Variants in NAALADL2 observed in about 807,000 individuals in gnomAD.
The protein encoded by NAALADL2 is N-acetylated alpha-linked acidic dipeptidase like 2.
NAALADL2 carries 76 observed loss-of-function variants against 87.2 expected under a neutral mutation model. The ratio of observed to expected loss-of-function variants is 0.87; its 90% confidence interval spans 0.72 to 1.05. The LOEUF is 1.05. Ranked by LOEUF, NAALADL2 falls within the 50% of genes least tolerant of loss-of-function variation. NAALADL2 has a pLI of 0.00. For synonymous variants in NAALADL2, 354 were observed against 331.0 expected (o/e 1.07, Z -0.75); for missense variants, 1,089 against 945.8 (o/e 1.15, Z -1.99).
At chr3:174,963,866 G>A (rs112330297) in intron 1 of NAALADL2, among the ~76,000 whole-genome samples, 4 of 151,998 alleles carry the variant, frequency 2.6e-5, no homozygotes, top group Admixed American at 6.6e-5. Flanking sequence ...AATATTATTT[G>A]ATCATAATTT....
chr3:174,967,813 C>A (rs1353415302), intron 1 of NAALADL2, among the ~76,000 whole-genome samples: 1 of 152,134 alleles, frequency 6.6e-6, no homozygotes, highest in Non-Finnish European at 1.5e-5. Context: ...GCACAGCCCA[C>A]CTAAACCCAC....
rs185304973 is a variant in NAALADL2, at chr3:174,726,452, A to G, written c.-114-11189A>G. Among the ~76,000 whole-genome samples the G allele has an allele frequency of 2.3e-3, 353 of 152,272 alleles. 2 individuals are homozygous for G. Among genetic ancestry groups the G allele is most frequent in the African/African-American group, 8.1e-3 (336 of 41,556 alleles). On this transcript the variant is annotated intron_variant, in intron 2 of 3. Transcript: ENST00000434257. Reference sequence around the variant, plus strand: ...ATTTTGCTCACCATGGATTCTTTGTACTAATTATAATTTTTAAAATAATGT... The same window carrying G: ...ATTTTGCTCACCATGGATTCTTTGTGCTAATTATAATTTTTAAAATAATGT...
chr3:175,681,312 T>C (rs1325586539), intron 11 of NAALADL2, among the ~76,000 whole-genome samples: 3 of 152,180 alleles, frequency 2.0e-5, no homozygotes, highest in African/African-American at 7.2e-5. Flanking sequence ...ATACTCGATA[T>C]TTAAAGTCAA....
chr3:175,210,884 T>C (rs1002119919), intron 2 of NAALADL2, among the ~76,000 whole-genome samples: 2 of 151,822 alleles, frequency 1.3e-5, no homozygotes, highest in Admixed American at 6.6e-5. Flanking sequence ...AAAATTACTA[T>C]GATTATAGAG....
At chr3:174,623,528 T>G (rs922081320) in intron 2 of NAALADL2, among the ~76,000 whole-genome samples, 2 of 151,772 alleles carry the variant, frequency 1.3e-5, no homozygotes, top group Non-Finnish European at 2.9e-5. Context: ...TTAAAAATAT[T>G]TCTAGGCTAT....
chr3:175,633,359 ACTTT>A (rs139442184), intron 11 of NAALADL2, among the ~76,000 whole-genome samples: 1 of 152,140 alleles, frequency 6.6e-6, no homozygotes, highest in African/African-American at 2.4e-5. Flanking sequence ...TTTTATTATC[ACTTT>A]CTTGCTAAAA....
intron 6 of NAALADL2, among the ~76,000 whole-genome samples, chr3:175,458,426 GAT>G (rs1278306409): frequency 6.7e-6 from 1 of 148,758 alleles, no homozygotes; most frequent in Non-Finnish European, 1.5e-5. Context: ...TGTTCTCATG[GAT>G]ATATATAGAT....
At chr3:175,384,056 C>G (rs1264923101) in intron 5 of NAALADL2, among the ~76,000 whole-genome samples, 1 of 151,992 alleles carries the variant, frequency 6.6e-6, no homozygotes, top group African/African-American at 2.4e-5. Flanking sequence ...ATATTCTTAT[C>G]ATTTGCCTAT....
In NAALADL2 at chr3:175,364,485, T is replaced by A. The variant is rs1021895818; in HGVS notation, c.1090+40160T>A. 3.4e-4 allele frequency among the ~76,000 whole-genome samples: 50 copies of A among 147,874 alleles called. 4 individuals carry two copies. The highest frequency in any genetic ancestry group is 1.2e-3 in the African/African-American group (48 of 40,822). Reference sequence around the variant, plus strand: ...CCTTGGGTTGTACATTCGGGAGTGATATTACCAGTTATCCGCTGTTTTTTA... The same window carrying A: ...CCTTGGGTTGTACATTCGGGAGTGAAATTACCAGTTATCCGCTGTTTTTTA... On this transcript the variant is annotated intron_variant, in intron 5 of 13. Coordinates refer to ENST00000454872, the MANE Select transcript of NAALADL2 (RefSeq NM_207015.3).
chr3:175,729,807 G>GTTT (rs5854655), intron 11 of NAALADL2, among the ~76,000 whole-genome samples: 1 of 144,480 alleles, frequency 6.9e-6, no homozygotes, highest in Admixed American at 7.0e-5. Context: ...TGACATCCCA[G>GTTT]TTTTTTTTTC....
At chr3:175,484,052 G>T (rs1162494694) in intron 9 of NAALADL2, among the ~76,000 whole-genome samples, 1 of 151,976 alleles carries the variant, frequency 6.6e-6, no homozygotes, top group Admixed American at 6.6e-5. Flanking sequence ...CCACTTCAAA[G>T]TCAAATACTT....
chr3:175,020,862 G>T (rs13325027), intron 1 of NAALADL2, among the ~76,000 whole-genome samples: 31,553 of 151,818 alleles, frequency 0.21, 4,441 homozygotes, highest in African/African-American at 0.4. Flanking sequence ...TTCCTCTGCC[G>T]CTGGACTTCC....
intron 9 of NAALADL2, among the ~76,000 whole-genome samples, chr3:175,570,463 T>A (rs540459692): frequency 3.9e-4 from 60 of 152,358 alleles, no homozygotes; most frequent in Non-Finnish European, 7.1e-4. Flanking sequence ...ATCATTTTTT[T>A]AACATCATTG....
intron 3 of NAALADL2, among the ~76,000 whole-genome samples, chr3:174,823,489 G>T (rs1037348992): frequency 6.6e-6 from 1 of 152,072 alleles, no homozygotes; most frequent in Non-Finnish European, 1.5e-5. Flanking sequence ...AATATAGATT[G>T]TTACAGAAAC....
chr3:174,903,065 T>C lies in NAALADL2; in HGVS notation c.43+43615T>C, dbSNP rs562304972. 1.7e-4 allele frequency among the ~76,000 whole-genome samples: 26 copies of C among 151,840 alleles called. No individual in the cohort carries two copies. The East Asian group carries it at 1.7e-3, about 10-fold the overall frequency. On this transcript the variant is annotated intron_variant, in intron 1 of 13. Transcript: ENST00000454872. ...AAGCTATTTCTAATTTCTCAAGTTT[T>C]CCCCCCCAAATAGCCACTATATTCA... is the stretch of plus-strand genomic sequence containing the variant.
Position 174,572,930 on chromosome 3 carries a change from C to G in NAALADL2, c.-115+22293C>G, listed in dbSNP as rs144297771. 5.3e-5 allele frequency among the ~76,000 whole-genome samples: 8 copies of G among 152,214 alleles called. No homozygotes were observed. In the East Asian group the frequency reaches 1.5e-3, roughly 29 times the overall value. ...GTAGGTAATGGTATGATCCTAATTT[C>G]CCACATAAGAATAAGAGACCCAGAG... On this transcript the variant is annotated intron_variant, in intron 2 of 3. Coordinates refer to the NAALADL2 transcript ENST00000434257.
chr3:175,343,678 C>CTTTTTTTTTTTTTTT (rs1581505068), intron 5 of NAALADL2, among the ~76,000 whole-genome samples: 1 of 49,148 alleles, frequency 2.0e-5, no homozygotes, highest in Non-Finnish European at 4.1e-5. Flanking sequence ...TTTTTTTTTC[C>CTTTTTTTTTTTTTTT]CTTCCCACTG....
intron 1 of NAALADL2, among the ~76,000 whole-genome samples, chr3:174,905,769 A>G (rs1732886644): frequency 6.6e-6 from 1 of 152,060 alleles, no homozygotes; most frequent in South Asian, 2.1e-4. Flanking sequence ...TATCTGATGT[A>G]GAAGGGGCAA....
intron 3 of NAALADL2, among the ~76,000 whole-genome samples, chr3:174,763,044 T>C (rs1713253787): frequency 6.6e-6 from 1 of 152,162 alleles, no homozygotes; most frequent in African/African-American, 2.4e-5. Context: ...CAGCAAAAAT[T>C]AATCAATGTA....
Sources: allele counts gnomAD v4.1 joint callset (sites outside exome capture counted in the v4.1 genomes callset), GRCh38; gene constraint gnomAD v4.1.1; transcripts MANE v1.5; gene names NCBI Gene and HGNC (gene_info 2026-07-23, HGNC 2026-07-21).